The following ACTN1 variants were observed in gnomAD, a reference collection of about 807,000 sequenced individuals.
ACTN1 encodes the protein alpha-actinin-1.
In ACTN1, 30 loss-of-function variants were observed where a neutral mutation model predicts 119.6. The observed-to-expected ratio is 0.25, with a 90% CI of 0.19 to 0.34. The LOEUF (loss-of-function observed/expected upper bound fraction) is 0.34, where lower values mean the gene tolerates loss of function less well. ACTN1 is among the 10% of genes least tolerant of loss of function. The pLI is 1.00. For synonymous variants in ACTN1, 429 were observed against 472.6 expected (o/e 0.91, Z 1.20); for missense variants, 764 against 1,223.4 (o/e 0.62, Z 5.60).
intron 2 of ACTN1, among the ~76,000 whole-genome samples, chr14:68,923,076 C>T (rs1013292610): frequency 6.6e-6 from 1 of 152,226 alleles, no homozygotes; most frequent in African/African-American, 2.4e-5. Flanking sequence ...CCTGGGCACA[C>T]GTCAGACCTA....
chr14:68,878,156 CCA>C lies in ACTN1; in HGVS notation c.2427+300_2427+301del. 3.1e-6 allele frequency: 1 copy of C among 322,962 alleles called. No individual in the cohort carries two copies. Among genetic ancestry groups the C allele is most frequent in the African/African-American group, 2.1e-5 (1 of 47,810 alleles). The allele number at this position is 322,962 out of a possible 1,614,324, so 20.0% of individuals were successfully genotyped here. On this transcript the variant is annotated intron_variant, in intron 20 of 21. Coordinates refer to ENST00000394419, the MANE Select transcript of ACTN1 (RefSeq NM_001130004.2). The surrounding 1 kb of genome is among the most constrained non-coding windows in gnomAD (Gnocchi z 4.4). ...AGCCCGAAACCTGGGATGTCCCACA[CCA>C]CCAGTCCTTCCTGCCAGCCTCAGGG...
At chr14:68,942,920 C>G (rs1262438194) in intron 1 of ACTN1, among the ~76,000 whole-genome samples, 1 of 152,130 alleles carries the variant, frequency 6.6e-6, no homozygotes, top group Non-Finnish European at 1.5e-5. Context: ...CACACAGAGG[C>G]CTTGCATGGC....
intron 3 of ACTN1, among the ~76,000 whole-genome samples, chr14:68,913,134 C>T (rs2034100446): frequency 6.6e-6 from 1 of 152,180 alleles, no homozygotes; most frequent in African/African-American, 2.4e-5. Context: ...CTAAGCAGCA[C>T]CTTTTAGAGT....
intron 4 of ACTN1, 25 bp from the exon 5 acceptor site, chr14:68,910,067 AG>A: frequency 1.2e-6 from 2 of 1,601,044 alleles, no homozygotes; most frequent in Non-Finnish European, 1.7e-6. Flanking sequence ...ATGGGCAGCG[AG>A]GTCAGAGGGC....
rs145582947 is a variant in ACTN1 at position 68,895,078 on chromosome 14, AAC to A, written c.763-1333_763-1332del. Among the ~76,000 whole-genome samples the A allele has an allele frequency of 1.4e-3, 209 of 152,150 alleles. 3 individuals carry two copies. In the East Asian group the frequency reaches 0.033, roughly 24 times the overall value. On this transcript the variant is annotated intron_variant, in intron 8 of 21. Coordinates refer to ENST00000394419, the MANE Select transcript of ACTN1 (RefSeq NM_001130004.2). ...AGATCATCCTAAAGGCCTTGTCAGA[AAC>A]ACAGTCAAGGAGGTCAAGGGAGGCA...
In ACTN1 at chr14:68,885,341, G is replaced by T; in HGVS notation, c.1385+84C>A. 1.1e-6 allele frequency: 1 copy of T among 925,946 alleles called. No homozygotes were observed. The highest frequency in any genetic ancestry group is 4.0e-5 in the East Asian group (1 of 24,822). The allele number at this position is 925,946 out of a possible 1,614,324, so 57.4% of individuals were successfully genotyped here. ...TGTACCCACCCTCCCCATCTTCCAC[G>T]GCCACACCCCCACCTCCCCCAGCAG... On this transcript the variant is annotated intron_variant, in intron 12 of 21. Transcript: ENST00000394419. The surrounding 1 kb of genome is among the most constrained non-coding windows in gnomAD (Gnocchi z 5.6).
At chr14:68,930,900 A>G (rs1437091469) in intron 1 of ACTN1, among the ~76,000 whole-genome samples, 3 of 152,344 alleles carry the variant, frequency 2.0e-5, no homozygotes, top group Non-Finnish European at 4.4e-5. Context: ...CACCTCATAA[A>G]AGAATGTTAG....
intron 3 of ACTN1, among the ~76,000 whole-genome samples, chr14:68,916,535 G>A (rs994194757): frequency 1.3e-5 from 2 of 152,146 alleles, no homozygotes; most frequent in African/African-American, 2.4e-5. Flanking sequence ...GCCCATGCAC[G>A]CCCAGCCCCA....
At chr14:68,970,478 T>G (rs977616961) in intron 1 of ACTN1, among the ~76,000 whole-genome samples, 1 of 152,218 alleles carries the variant, frequency 6.6e-6, no homozygotes, top group Admixed American at 6.5e-5. Flanking sequence ...CTCGGCTGCC[T>G]GGTTCAAAGC....
At chr14:68,897,046 A>T (rs2032930461) in intron 8 of ACTN1, among the ~76,000 whole-genome samples, 1 of 152,264 alleles carries the variant, frequency 6.6e-6, no homozygotes, top group South Asian at 2.1e-4. Flanking sequence ...GCGATGGCAC[A>T]ATCTCGGCTC....
At chr14:68,912,372 G>A in intron 3 of ACTN1, 130 bp from the exon 4 acceptor site, 1 of 737,894 alleles carries the variant, frequency 1.4e-6, no homozygotes, top group Non-Finnish European at 2.3e-6. Context: ...CTTCTAGAGG[G>A]AAACAGGATT....
At chr14:68,936,093 A>G (rs1485083732) in intron 1 of ACTN1, among the ~76,000 whole-genome samples, 1 of 152,292 alleles carries the variant, frequency 6.6e-6, no homozygotes, top group African/African-American at 2.4e-5. Flanking sequence ...TGCAGGCTGG[A>G]GCCCAGAAAC....
chr14:68,939,612 G>C (rs2035695611), intron 1 of ACTN1, among the ~76,000 whole-genome samples: 1 of 152,136 alleles, frequency 6.6e-6, no homozygotes, highest in South Asian at 2.1e-4. Flanking sequence ...TTGATTAGTG[G>C]TTTCTTAGGG....
intron 4 of ACTN1, 82 bp from the exon 5 acceptor site, chr14:68,910,124 T>A: frequency 8.6e-7 from 1 of 1,162,230 alleles, no homozygotes; most frequent in Non-Finnish European, 1.3e-6. Context: ...GGCCCCACTG[T>A]GACCCTTTGA....
intron 1 of ACTN1, among the ~76,000 whole-genome samples, chr14:68,968,247 G>A (rs957822812): frequency 2.6e-5 from 4 of 152,222 alleles, no homozygotes; most frequent in Non-Finnish European, 5.9e-5. Context: ...GGGGTGCAGG[G>A]TGGCAGGTGT....
chr14:68,888,087 T>G (rs2032172269), intron 11 of ACTN1: 1 of 685,120 alleles, frequency 1.5e-6, no homozygotes, highest in Non-Finnish European at 2.7e-6. Context: ...TTGGGCATCC[T>G]GGCGGCAGGG....
At chr14:68,966,314 G>A (rs1022392555) in intron 1 of ACTN1, among the ~76,000 whole-genome samples, 1 of 152,110 alleles carries the variant, frequency 6.6e-6, no homozygotes, top group Non-Finnish European at 1.5e-5. Context: ...TGGCATCACC[G>A]CAGACCCCAG....
intron 8 of ACTN1, among the ~76,000 whole-genome samples, chr14:68,897,954 A>G (rs559981977): frequency 6.6e-6 from 1 of 152,288 alleles, no homozygotes; most frequent in Admixed American, 6.5e-5. Context: ...CTCCCTCCAC[A>G]ACACTGTCTG....
In ACTN1 at chr14:68,882,375, G is replaced by T; in HGVS notation, c.1953+83C>A. 1 of 1,563,764 alleles carries T rather than the reference G, an allele frequency of 6.4e-7. No homozygotes were observed. The highest frequency in any genetic ancestry group is 8.7e-7 in the Non-Finnish European group (1 of 1,150,568). On this transcript the variant is annotated intron_variant, in intron 16 of 21. Transcript: ENST00000394419. The surrounding 1 kb of genome is among the most constrained non-coding windows in gnomAD (Gnocchi z 4.5). ...TCAGTCCTCCATGGGTCCCACCCAG[G>T]GAGACAGGCAGCCTGGCTGGCTAGG... is the stretch of plus-strand genomic sequence containing the variant.
Sources: gnomAD v4.1 joint callset for allele counts (sites outside exome capture counted in the v4.1 genomes callset) on GRCh38, gnomAD v4.1.1 for gene constraint, Gnocchi (gnomAD v3.1) non-coding constraint, MANE v1.5 for transcripts, NCBI Gene and HGNC (gene_info 2026-07-23, HGNC 2026-07-21) for gene names.